ADAMTS3: variants seen among roughly 807,000 people sequenced by gnomAD.
ADAMTS3 encodes A disintegrin and metalloproteinase with thrombospondin motifs 3.
Under a neutral mutation model 129.0 loss-of-function variants are expected in ADAMTS3, and 73 were observed. The observed-to-expected ratio is 0.57, with a 90% CI of 0.47 to 0.69. ADAMTS3 has a LOEUF of 0.69. Ranked by LOEUF, ADAMTS3 falls within the 30% of genes least tolerant of loss-of-function variation. ADAMTS3 has a pLI of 0.00. For missense variants in ADAMTS3, 1,457 were observed against 1,514.5 expected, an observed-to-expected ratio of 0.96 and a Z score of 0.63; for synonymous variants, 477 against 510.8, an observed-to-expected ratio of 0.93 and a Z score of 0.89.
intron 3 of ADAMTS3, among the ~76,000 whole-genome samples, chr4:72,521,658 A>T (rs192049957): frequency 1.2e-3 from 189 of 152,268 alleles, no homozygotes; most frequent in Non-Finnish European, 2.1e-3. Context: ...TATTTATTAT[A>T]TTATACATAA....
chr4:72,555,041 A>G (rs1721728974), intron 2 of ADAMTS3, among the ~76,000 whole-genome samples: 1 of 151,834 alleles, frequency 6.6e-6, no homozygotes, highest in African/African-American at 2.4e-5. Context: ...ATGTCACTAC[A>G]TTATTCCACC....
chr4:72,470,946 A>G (rs1719057619), intron 3 of ADAMTS3, among the ~76,000 whole-genome samples: 1 of 152,124 alleles, frequency 6.6e-6, no homozygotes, highest in Non-Finnish European at 1.5e-5. Context: ...ACAACCATAT[A>G]CCACTTCTAT....
intron 6 of ADAMTS3, among the ~76,000 whole-genome samples, chr4:72,321,859 C>T (rs994236105): frequency 1.3e-5 from 2 of 151,916 alleles, no homozygotes; most frequent in African/African-American, 4.8e-5. Flanking sequence ...AAAATAAGTT[C>T]TTTGAATGTT....
intron 3 of ADAMTS3, among the ~76,000 whole-genome samples, chr4:72,492,049 C>T (rs543915738): frequency 4.6e-5 from 7 of 151,480 alleles, no homozygotes; most frequent in Middle Eastern, 3.4e-3. Flanking sequence ...TCTAGTTTTT[C>T]GGGATATAAT....
chr4:72,473,971 T>A (rs764574615), intron 3 of ADAMTS3, among the ~76,000 whole-genome samples: 36 of 152,190 alleles, frequency 2.4e-4, no homozygotes, highest in Non-Finnish European at 4.1e-4. Context: ...CCAGCAGTAA[T>A]GAGACACTCC....
chr4:72,485,917 T>C (rs1670456642), intron 3 of ADAMTS3, among the ~76,000 whole-genome samples: 1 of 152,156 alleles, frequency 6.6e-6, no homozygotes, highest in African/African-American at 2.4e-5. Flanking sequence ...AGCAAACAAG[T>C]GCTATCTTTG....
At chr4:72,338,611 G>C (rs1343789813) in intron 5 of ADAMTS3, among the ~76,000 whole-genome samples, 5 of 150,822 alleles carry the variant, frequency 3.3e-5, no homozygotes, top group African/African-American at 7.3e-5. Flanking sequence ...GTAAACTATA[G>C]ATATCCAAGA....
chr4:72,491,186 G>T (rs1456798541), intron 3 of ADAMTS3, among the ~76,000 whole-genome samples: 1 of 151,670 alleles, frequency 6.6e-6, no homozygotes, highest in Non-Finnish European at 1.5e-5. Context: ...CAACCTTACT[G>T]AATTCATTTG....
chr4:72,385,895 T>C (rs1721433440), intron 4 of ADAMTS3, among the ~76,000 whole-genome samples: 1 of 152,138 alleles, frequency 6.6e-6, no homozygotes, highest in Non-Finnish European at 1.5e-5. Context: ...ATAATTTGGG[T>C]ATTCCAAATT....
intron 3 of ADAMTS3, among the ~76,000 whole-genome samples, chr4:72,533,552 G>A (rs1721097762): frequency 1.3e-5 from 1 of 78,820 alleles, no homozygotes. Context: ...AATTGCAGGT[G>A]CTATACTTTT....
rs71655715 is a variant in ADAMTS3, at chr4:72,549,962, AAAGAAG to A, written c.98-1084_98-1079del. 8.4e-3 allele frequency among the ~76,000 whole-genome samples: 259 copies of A among 30,910 alleles called. 21 individuals carry two copies. The highest frequency in any genetic ancestry group is 0.028 in the Admixed American group (115 of 4,142). 20.3% of individuals were successfully genotyped at this position (30,910 alleles called of 152,430 possible). On this transcript the variant is annotated intron_variant, in intron 2 of 21. Transcript: ENST00000286657. ...AGGGCAACAAGGGTAAAAAAAAAAA[AAAGAAG>A]AAGAAGAAGAAGAAGAAGAAGAAGA...
At chr4:72,329,762 A>T (rs1412567017) in intron 5 of ADAMTS3, among the ~76,000 whole-genome samples, 1 of 152,064 alleles carries the variant, frequency 6.6e-6, no homozygotes, top group Non-Finnish European at 1.5e-5. Context: ...AAAAAAAAAA[A>T]AACGATCTAC....
chr4:72,529,479 T>A (rs993224303), intron 3 of ADAMTS3, among the ~76,000 whole-genome samples: 1 of 151,076 alleles, frequency 6.6e-6, no homozygotes, highest in African/African-American at 2.4e-5. Flanking sequence ...CCTAGTTATA[T>A]ATTAGAATCA....
chr4:72,538,961 A>G (rs933680550), intron 3 of ADAMTS3, among the ~76,000 whole-genome samples: 3 of 152,154 alleles, frequency 2.0e-5, no homozygotes, highest in Admixed American at 6.5e-5. Context: ...TGATATCCAC[A>G]TGCCCAAAGC....
intron 4 of ADAMTS3, among the ~76,000 whole-genome samples, chr4:72,410,318 C>T (rs1005956569): frequency 3.3e-5 from 5 of 152,078 alleles, no homozygotes; most frequent in African/African-American, 1.2e-4. Flanking sequence ...ACATGTTTCC[C>T]ACCTGGGACA....
chr4:72,473,759 A>G (rs1366553010), intron 3 of ADAMTS3, among the ~76,000 whole-genome samples: 2 of 152,200 alleles, frequency 1.3e-5, no homozygotes, highest in South Asian at 2.1e-4. Flanking sequence ...CAGTGGGACC[A>G]TATGAAAAAC....
At chr4:72,475,007 A>G (rs1370197162) in intron 3 of ADAMTS3, among the ~76,000 whole-genome samples, 1 of 151,180 alleles carries the variant, frequency 6.6e-6, no homozygotes, top group Non-Finnish European at 1.5e-5. Flanking sequence ...AGCCTGGGCG[A>G]CAGAGCGAGA....
intron 5 of ADAMTS3, among the ~76,000 whole-genome samples, chr4:72,333,049 T>C (rs528962451): frequency 2.0e-5 from 3 of 152,308 alleles, no homozygotes; most frequent in East Asian, 3.9e-4. Flanking sequence ...CCTGGGAACA[T>C]CACCTAACTT....
chr4:72,529,807 T>G (rs1323839682), intron 3 of ADAMTS3, among the ~76,000 whole-genome samples: 1 of 93,940 alleles, frequency 1.1e-5, no homozygotes, highest in Non-Finnish European at 1.9e-5. Context: ...ATAATATATA[T>G]TATATATAAT....
Sources: allele counts gnomAD v4.1 joint callset (sites outside exome capture counted in the v4.1 genomes callset), GRCh38; gene constraint gnomAD v4.1.1; transcripts MANE v1.5; gene names NCBI Gene and HGNC (gene_info 2026-07-23, HGNC 2026-07-21).